ROBO2: variants seen among roughly 807,000 people sequenced by gnomAD.
The protein encoded by ROBO2 is roundabout guidance receptor 2.
A neutral mutation model predicts 160.8 loss-of-function variants in ROBO2; 53 were observed. The ratio of observed to expected loss-of-function variants is 0.33; its 90% CI spans 0.26 to 0.41. The LOEUF is 0.41. ROBO2 is among the 10% of genes least tolerant of loss of function. The pLI, the probability that ROBO2 is intolerant of heterozygous loss-of-function variation, is 1.00. For synonymous variants in ROBO2, 664 were observed against 611.7 expected (o/e 1.09, Z -1.26); for missense variants, 1,577 against 1,722.4 (o/e 0.92, Z 1.49).
intron 2 of ROBO2, among the ~76,000 whole-genome samples, chr3:76,256,052 A>G (rs1369142925): frequency 2.0e-5 from 3 of 152,104 alleles, no homozygotes; most frequent in African/African-American, 7.2e-5. Context: ...TAACCCCAGC[A>G]CTTTGAGGGA....
chr3:76,217,570 G>A (rs532517597), intron 2 of ROBO2, among the ~76,000 whole-genome samples: 1 of 152,246 alleles, frequency 6.6e-6, no homozygotes, highest in African/African-American at 2.4e-5. Flanking sequence ...TAGAAGAAAT[G>A]GATAAATTCC....
At chr3:76,538,799 G>A (rs2108192873) in intron 2 of ROBO2, among the ~76,000 whole-genome samples, 1 of 152,154 alleles carries the variant, frequency 6.6e-6, no homozygotes, top group East Asian at 1.9e-4. Flanking sequence ...TTATGTCCAT[G>A]TGTACCCAGT....
Position 76,214,976 on chromosome 3 carries a change from C to T in ROBO2, c.109+277374C>T, listed in dbSNP as rs146340519. Reference sequence around the variant, plus strand: ...CTCTGAGACAAAACTTCCAGAGGAACAATCAGGCAGCAGCATTTGAGGCTC... The same window carrying T: ...CTCTGAGACAAAACTTCCAGAGGAATAATCAGGCAGCAGCATTTGAGGCTC... On this transcript the variant is annotated intron_variant, in intron 2 of 26. Coordinates refer to the ROBO2 transcript ENST00000487694. Among the ~76,000 whole-genome samples the T allele has an allele frequency of 1.1e-3, 162 of 152,250 alleles. 1 individual carries two copies. The highest frequency in any genetic ancestry group is 3.7e-3 in the African/African-American group (153 of 41,550).
At chr3:76,350,238 C>T (rs2074791014) in intron 2 of ROBO2, among the ~76,000 whole-genome samples, 1 of 152,078 alleles carries the variant, frequency 6.6e-6, no homozygotes, top group Non-Finnish European at 1.5e-5. Context: ...TTTCTACTCA[C>T]AGTACACTTA....
rs560769299 is a variant in ROBO2, at chr3:77,419,340, C to T, written c.389-58074C>T. ...ACATGTATATCTCATTTAATCATCA[C>T]CTTAATGGTAGTACTAGCATGCTCT... is the stretch of plus-strand genomic sequence containing the variant. On this transcript the variant is annotated intron_variant, in intron 2 of 25. Transcript: ENST00000461745. Among the ~76,000 whole-genome samples, 60 of 152,100 alleles carry T rather than the reference C, an allele frequency of 3.9e-4. 2 individuals carry two copies. The South Asian group carries it at 0.012, about 32-fold the overall frequency.
At position 77,062,498 on chromosome 3, in the gene ROBO2, A is replaced by T. The variant is rs1430969332; in HGVS notation, c.61+21652A>T. ...CTTAGTGGTGATGACCTCCAAATGTATAGGAAGAAGGAGTGAGCAGAAGGG... is the reference window on the plus strand; with the variant it reads ...CTTAGTGGTGATGACCTCCAAATGTTTAGGAAGAAGGAGTGAGCAGAAGGG... On this transcript the variant is annotated intron_variant, in intron 1 of 25. Transcript: ENST00000461745. Among the ~76,000 whole-genome samples the T allele has an allele frequency of 2.0e-5, 3 of 152,148 alleles. No individual in the cohort carries two copies. In the East Asian group the frequency reaches 5.8e-4, roughly 29 times the overall value.
At chr3:76,110,760 A>G (rs1471776035) in intron 2 of ROBO2, among the ~76,000 whole-genome samples, 2 of 152,156 alleles carry the variant, frequency 1.3e-5, no homozygotes, top group African/African-American at 4.8e-5. Flanking sequence ...AAAAAGTATT[A>G]AGAAATGAAG....
intron 2 of ROBO2, among the ~76,000 whole-genome samples, chr3:77,108,652 G>A (rs1267558926): frequency 2.0e-5 from 3 of 152,210 alleles, no homozygotes; most frequent in South Asian, 4.1e-4. Flanking sequence ...CTTCAGACAG[G>A]GCATACTGCA....
chr3:77,367,361 TG>T (rs1256178992), intron 2 of ROBO2, among the ~76,000 whole-genome samples: 2 of 152,114 alleles, frequency 1.3e-5, no homozygotes, highest in African/African-American at 2.4e-5. Flanking sequence ...CAAGTGTCCT[TG>T]GAGTACGGCA....
At chr3:77,228,414 A>AAC (rs55991541) in intron 2 of ROBO2, among the ~76,000 whole-genome samples, 11,678 of 148,926 alleles carry the variant, frequency 0.078, 731 homozygotes, top group East Asian at 0.32. Flanking sequence ...TACATGCACA[A>AAC]ACACACACAC....
chr3:76,953,580 A>T (rs1475367768), intron 2 of ROBO2, among the ~76,000 whole-genome samples: 3 of 152,216 alleles, frequency 2.0e-5, no homozygotes, highest in Admixed American at 1.3e-4. Flanking sequence ...TCAAGCTAGA[A>T]TTCCCTGATA....
intron 2 of ROBO2, among the ~76,000 whole-genome samples, chr3:76,113,791 C>T (rs1489544937): frequency 6.6e-6 from 1 of 152,148 alleles, no homozygotes; most frequent in Non-Finnish European, 1.5e-5. Context: ...GGTGGGACCT[C>T]ATGGGAGGAG....
chr3:76,684,413 A>C (rs1305148292), intron 2 of ROBO2, among the ~76,000 whole-genome samples: 1 of 152,156 alleles, frequency 6.6e-6, no homozygotes, highest in Non-Finnish European at 1.5e-5. Flanking sequence ...ACGGTGAGTT[A>C]ATTCTACTTC....
chr3:77,329,215 C>T (rs2065745725), intron 2 of ROBO2, among the ~76,000 whole-genome samples: 1 of 152,192 alleles, frequency 6.6e-6, no homozygotes, highest in Admixed American at 6.5e-5. Context: ...AGTAGTAACA[C>T]AGCTTTTAAG....
At chr3:75,920,738 A>T (rs1369105690) in intron 1 of ROBO2, among the ~76,000 whole-genome samples, 1 of 152,132 alleles carries the variant, frequency 6.6e-6, no homozygotes, top group Non-Finnish European at 1.5e-5. Flanking sequence ...TATATTTAGG[A>T]TAGTTAGCTC....
At chr3:77,375,388 G>A (rs755623061) in intron 2 of ROBO2, among the ~76,000 whole-genome samples, 1 of 152,112 alleles carries the variant, frequency 6.6e-6, no homozygotes, top group Non-Finnish European at 1.5e-5. Context: ...ACATTAAACA[G>A]GTGTACCTTT....
At chr3:77,284,985 C>T (rs1389753672) in intron 2 of ROBO2, among the ~76,000 whole-genome samples, 3 of 152,064 alleles carry the variant, frequency 2.0e-5, no homozygotes, top group African/African-American at 7.2e-5. Flanking sequence ...AGTGTTGCCA[C>T]ACACATCAAC....
chr3:76,449,111 AG>A (rs2077343951), intron 2 of ROBO2, among the ~76,000 whole-genome samples: 2 of 152,338 alleles, frequency 1.3e-5, no homozygotes, highest in Admixed American at 6.5e-5. Context: ...GTAATGGAAC[AG>A]GGTTCTCCAA....
At chr3:76,708,698 G>A (rs181650155) in intron 2 of ROBO2, among the ~76,000 whole-genome samples, 25 of 152,298 alleles carry the variant, frequency 1.6e-4, no homozygotes, top group African/African-American at 5.8e-4. Context: ...TCTCCTGAAA[G>A]TTTTCCAGAA....
Sources: allele counts gnomAD v4.1 joint callset (sites outside exome capture counted in the v4.1 genomes callset), GRCh38; gene constraint gnomAD v4.1.1; transcripts MANE v1.5; gene names NCBI Gene and HGNC (gene_info 2026-07-23, HGNC 2026-07-21).